UBE3A: variants seen among roughly 807,000 people sequenced by gnomAD.
UBE3A encodes the protein ubiquitin protein ligase E3A, also known as ubiquitin-protein ligase E3A.
In UBE3A, 6 loss-of-function variants were observed where a neutral mutation model predicts 83.4. The ratio of observed to expected loss-of-function variants is 0.07; its 90% confidence interval spans 0.04 to 0.14. The LOEUF is 0.14. Ranked by LOEUF, UBE3A falls within the 10% of genes least tolerant of loss-of-function variation. The probability of loss-of-function intolerance (pLI) is 1.00; values close to 1 mark genes in which losing one functional copy is unlikely to be tolerated. For missense variants in UBE3A, 456 were observed against 1,036.1 expected (o/e 0.44, Z 7.69); for synonymous variants, 337 against 355.4 (o/e 0.95, Z 0.58).
intron 4 of UBE3A, among the ~76,000 whole-genome samples, chr15:25,390,075 C>T (rs2083990971): frequency 6.6e-6 from 1 of 152,160 alleles, no homozygotes; most frequent in African/African-American, 2.4e-5. Context: ...ATCAGAGAAA[C>T]ACAAATTAAA....
intron 9 of UBE3A, among the ~76,000 whole-genome samples, chr15:25,355,371 A>T (rs1265808437): frequency 1.3e-5 from 2 of 152,132 alleles, no homozygotes. Flanking sequence ...ATCAATATAA[A>T]CATGTTTCTT....
intron 1 of UBE3A, chr15:25,419,023 C>T (rs920683693): frequency 6.6e-6 from 1 of 152,120 alleles, no homozygotes; most frequent in Non-Finnish European, 1.5e-5. Flanking sequence ...ATACCAAATA[C>T]AATGTAATGC....
In UBE3A at chr15:25,342,499, T is replaced by C. The variant is rs533096509; in HGVS notation, c.2355-2271A>G. 1.3e-5 allele frequency among the ~76,000 whole-genome samples: 2 copies of C among 151,882 alleles called. 1 individual carries two copies. The highest frequency in any genetic ancestry group is 4.1e-4 in the South Asian group (2 of 4,826). On this transcript the variant is annotated intron_variant, in intron 11 of 12. Coordinates refer to ENST00000648336, the MANE Select transcript of UBE3A (RefSeq NM_130839.5). ...GTGTTATGTGTGTTACATTAACATT[T>C]TGAATTAAACAAGAATGCATATATT...
chr15:25,417,079 T>C (rs1240800633), intron 1 of UBE3A, among the ~76,000 whole-genome samples: 2 of 152,076 alleles, frequency 1.3e-5, no homozygotes, highest in Non-Finnish European at 2.9e-5. Context: ...TGTACACGAT[T>C]AAGGTAAGTG....
At chr15:25,437,641 T>C (rs1284672998) in intron 1 of UBE3A, among the ~76,000 whole-genome samples, 1 of 152,226 alleles carries the variant, frequency 6.6e-6, no homozygotes, top group Non-Finnish European at 1.5e-5. Context: ...TTTGGACTGT[T>C]ACTAATTTAG....
At chr15:25,351,706 G>T (rs747812936) in intron 11 of UBE3A, among the ~76,000 whole-genome samples, 1 of 152,208 alleles carries the variant, frequency 6.6e-6, no homozygotes, top group South Asian at 2.1e-4. Flanking sequence ...CCTGGCTTCC[G>T]GTGATCTGCC....
intron 1 of UBE3A, among the ~76,000 whole-genome samples, chr15:25,415,065 C>A (rs1310300124): frequency 6.6e-6 from 1 of 152,162 alleles, no homozygotes; most frequent in Non-Finnish European, 1.5e-5. Flanking sequence ...CTAAAGACCA[C>A]GCTTATTCCC....
chr15:25,438,089 C>T (rs932634467), intron 1 of UBE3A: 1 of 152,262 alleles, frequency 6.6e-6, no homozygotes, highest in African/African-American at 2.4e-5. Flanking sequence ...CCAAGAGAGC[C>T]AAAAACCTTG....
At chr15:25,399,534 C>A (rs1339063108) in intron 4 of UBE3A, among the ~76,000 whole-genome samples, 1 of 152,020 alleles carries the variant, frequency 6.6e-6, no homozygotes, top group Non-Finnish European at 1.5e-5. Flanking sequence ...TCTGTGCTCT[C>A]CATTCTGTTT....
intron 4 of UBE3A, among the ~76,000 whole-genome samples, chr15:25,386,894 A>C (rs2083257868): frequency 6.6e-6 from 1 of 152,164 alleles, no homozygotes; most frequent in South Asian, 2.1e-4. Context: ...AAATTAAGGA[A>C]ATTTGTTGTC....
At chr15:25,377,022 C>G (rs886546114) in intron 4 of UBE3A, among the ~76,000 whole-genome samples, 2 of 152,080 alleles carry the variant, frequency 1.3e-5, no homozygotes, top group Non-Finnish European at 2.9e-5. Flanking sequence ...CTTTTGGTCC[C>G]AAATTCACAA....
intron 4 of UBE3A, among the ~76,000 whole-genome samples, chr15:25,387,668 G>GA (rs2083418320): frequency 6.6e-6 from 1 of 152,036 alleles, no homozygotes; most frequent in Admixed American, 6.5e-5. Context: ...TATCAATAGA[G>GA]AAAAATCAAA....
At chr15:25,408,855 G>A (rs2089322944) in intron 3 of UBE3A, 2 of 748,028 alleles carry the variant, frequency 2.7e-6, no homozygotes, top group African/African-American at 3.5e-5. Context: ...GTTTTTTTGA[G>A]AAATACTTTC....
At chr15:25,382,440 A>G (rs1206136996) in intron 4 of UBE3A, among the ~76,000 whole-genome samples, 1 of 152,028 alleles carries the variant, frequency 6.6e-6, no homozygotes, top group Non-Finnish European at 1.5e-5. Context: ...TACATAATTC[A>G]TCTGTAAAAT....
intron 1 of UBE3A, among the ~76,000 whole-genome samples, chr15:25,430,585 A>C (rs944211751): frequency 1.4e-4 from 22 of 151,786 alleles, no homozygotes; most frequent in Non-Finnish European, 2.5e-4. Context: ...AGTTCTGCCT[A>C]TCACTATTTA....
At chr15:25,343,498 A>G (rs2075202212) in intron 11 of UBE3A, among the ~76,000 whole-genome samples, 1 of 152,214 alleles carries the variant, frequency 6.6e-6, no homozygotes, top group Non-Finnish European at 1.5e-5. Context: ...ATTTTATTAT[A>G]AGGTGACCAA....
At chr15:25,341,476 T>C (rs2074784571) in intron 11 of UBE3A, among the ~76,000 whole-genome samples, 1 of 151,760 alleles carries the variant, frequency 6.6e-6, no homozygotes, top group South Asian at 2.1e-4. Flanking sequence ...AGAAAGTTCT[T>C]TCCAGAGCCA....
In UBE3A at chr15:25,414,206, G is replaced by T. The variant is rs150051585; in HGVS notation, c.-164-2235C>A. Among the ~76,000 whole-genome samples the T allele has an allele frequency of 1.9e-3, 289 of 152,118 alleles. 1 individual carries two copies. Among genetic ancestry groups the T allele is most frequent in the African/African-American group, 6.6e-3 (273 of 41,482 alleles). On this transcript the variant is annotated intron_variant, in intron 1 of 12. Coordinates refer to ENST00000648336, the MANE Select transcript of UBE3A (RefSeq NM_130839.5). ...TCACTCTGCCTAATCTCACTGTCCT[G>T]GTTAAGGACTAAAAAAATTGGTGCC...
At chr15:25,436,242 A>T (rs1047280845) in intron 1 of UBE3A, among the ~76,000 whole-genome samples, 1 of 152,224 alleles carries the variant, frequency 6.6e-6, no homozygotes, top group East Asian at 1.9e-4. Flanking sequence ...TTACCGAAAG[A>T]TCACTTCTAA....
Sources: gnomAD v4.1 joint callset for allele counts (sites outside exome capture counted in the v4.1 genomes callset) on GRCh38, gnomAD v4.1.1 for gene constraint, MANE v1.5 for transcripts, NCBI Gene and HGNC (gene_info 2026-07-23, HGNC 2026-07-21) for gene names.